RYR3: variants seen among roughly 807,000 people sequenced by gnomAD.
The protein encoded by RYR3 is ryanodine receptor 3, also known as brain ryanodine receptor-calcium release channel.
RYR3 carries 207 observed loss-of-function variants against 584.3 expected under a neutral mutation model. The observed-to-expected ratio is 0.35, with a 90% CI of 0.32 to 0.40. The LOEUF (loss-of-function observed/expected upper bound fraction) is 0.40. Among genes scored for constraint, RYR3 ranks in the 10% least tolerant of loss-of-function variants. The pLI is 1.00. For missense variants in RYR3, 5,616 were observed against 6,089.2 expected (o/e 0.92, Z 2.59); for synonymous variants, 2,416 against 2,248.5 (o/e 1.07, Z -2.11).
At chr15:33,787,546 A>G (rs920685222) in intron 66 of RYR3, among the ~76,000 whole-genome samples, 1 of 151,314 alleles carries the variant, frequency 6.6e-6, no homozygotes, top group Admixed American at 6.6e-5. Flanking sequence ...ACAAACAAAC[A>G]AAAACAATGG....
At chr15:33,337,760 G>C (rs1438721616) in intron 1 of RYR3, among the ~76,000 whole-genome samples, 1 of 152,046 alleles carries the variant, frequency 6.6e-6, no homozygotes, top group Non-Finnish European at 1.5e-5. Flanking sequence ...ATTCCTCCCA[G>C]TGGAGCCTCT....
chr15:33,662,812 G>A lies in RYR3; in HGVS notation c.5282G>A (p.Gly1761Glu), dbSNP rs772454526. The A allele has an allele frequency of 6.2e-7, 1 of 1,613,926 alleles. No homozygotes were observed. Among genetic ancestry groups the A allele is most frequent in the Admixed American group, 1.7e-5 (1 of 60,018 alleles). The change falls in exon 35 of 104, where the codon GGG (glycine) becomes GAG (glutamate). Residue 1761 changes from glycine (G) to glutamate (E), a missense_variant. Gly to Glu is a moderately conservative substitution (Grantham distance 98). Coordinates refer to ENST00000634891, the MANE Select transcript of RYR3 (RefSeq NM_001036.6). Reference sequence around the variant, plus strand: ...TCTGTGTTTGGGGAGCATAGTGCGGGGACAGAGGAGGGAGCAGAAAAGGAG... The same window carrying A: ...TCTGTGTTTGGGGAGCATAGTGCGGAGACAGAGGAGGGAGCAGAAAAGGAG... ...DPSVFGEHSA[G>E]TEEGAEKEEV...
chr15:33,765,489 C>T (rs1204193243), intron 60 of RYR3, among the ~76,000 whole-genome samples: 4 of 151,634 alleles, frequency 2.6e-5, no homozygotes, highest in African/African-American at 9.7e-5. Context: ...AAAAGTTAGC[C>T]GGGCATGGTA....
intron 72 of RYR3, among the ~76,000 whole-genome samples, chr15:33,812,159 A>T (rs1450401112): frequency 6.6e-6 from 1 of 152,162 alleles, no homozygotes; most frequent in Non-Finnish European, 1.5e-5. Flanking sequence ...AACCAGTAAA[A>T]CCCACAAATA....
chr15:33,609,679 A>C (rs1370173332), intron 18 of RYR3, among the ~76,000 whole-genome samples: 1 of 152,202 alleles, frequency 6.6e-6, no homozygotes, highest in African/African-American at 2.4e-5. Context: ...AACTACAGTG[A>C]TATTTTCCAG....
intron 91 of RYR3, among the ~76,000 whole-genome samples, chr15:33,842,836 G>A (rs1418022105): frequency 6.6e-6 from 1 of 152,178 alleles, no homozygotes; most frequent in Admixed American, 6.5e-5. Context: ...GAGTGATCAC[G>A]AAAATGCAGT....
chr15:33,336,433 A>G (rs1390164817), intron 1 of RYR3, among the ~76,000 whole-genome samples: 5 of 21,264 alleles, frequency 2.4e-4, no homozygotes, highest in African/African-American at 1.1e-3. Context: ...AAAGAAAGAA[A>G]GAAAGAAAGA....
At chr15:33,423,452 C>T (rs898071062) in intron 1 of RYR3, among the ~76,000 whole-genome samples, 1 of 152,080 alleles carries the variant, frequency 6.6e-6, no homozygotes, top group African/African-American at 2.4e-5. Flanking sequence ...GTGAATTGGC[C>T]TGTAAGCATC....
In RYR3 at chr15:33,715,665, G is replaced by C. The variant is rs367754395; in HGVS notation, c.6620-7050G>C. Among the ~76,000 whole-genome samples, 18 of 152,278 alleles carry C rather than the reference G, an allele frequency of 1.2e-4. No individual in the cohort carries two copies. The South Asian group carries it at 1.9e-3, about 16-fold the overall frequency. On this transcript the variant is annotated intron_variant, in intron 43 of 103. Coordinates refer to ENST00000634891, the MANE Select transcript of RYR3 (RefSeq NM_001036.6). ...TGAAGACTGGGAAGTTCAAGAACAA[G>C]GCACCAGTAAGATTGATGTCTGGGA...
chr15:33,479,673 C>A (rs1430624576), intron 2 of RYR3, among the ~76,000 whole-genome samples: 1 of 152,032 alleles, frequency 6.6e-6, no homozygotes, highest in Admixed American at 6.6e-5. Context: ...CATTCCAAAC[C>A]TGAATCACTG....
At chr15:33,315,638 A>G (rs1334135411) in intron 1 of RYR3, among the ~76,000 whole-genome samples, 1 of 152,142 alleles carries the variant, frequency 6.6e-6, no homozygotes, top group African/African-American at 2.4e-5. Flanking sequence ...CTGATTAAAG[A>G]CCCATATCAG....
intron 2 of RYR3, among the ~76,000 whole-genome samples, chr15:33,501,272 A>T (rs1158459716): frequency 6.6e-6 from 1 of 152,114 alleles, no homozygotes; most frequent in Non-Finnish European, 1.5e-5. Context: ...CTCCTTCAAA[A>T]TGGCTGATGG....
chr15:33,484,654 G>C (rs1272803241), intron 2 of RYR3, among the ~76,000 whole-genome samples: 1 of 152,132 alleles, frequency 6.6e-6, no homozygotes, highest in Admixed American at 6.5e-5. Flanking sequence ...AGTGGCAAAG[G>C]GATCAAGGTA....
At chr15:33,464,555 TATAG>T (rs1273314869) in intron 1 of RYR3, among the ~76,000 whole-genome samples, 5 of 147,048 alleles carry the variant, frequency 3.4e-5, no homozygotes, top group African/African-American at 1.2e-4. Flanking sequence ...TATATACAAA[TATAG>T]ATAATATGTA....
chr15:33,364,690 C>T (rs1975238473), intron 1 of RYR3, among the ~76,000 whole-genome samples: 1 of 152,170 alleles, frequency 6.6e-6, no homozygotes, highest in South Asian at 2.1e-4. Flanking sequence ...GAATTGTGTC[C>T]AACAAGGAAG....
chr15:33,436,692 G>A (rs1415402722), intron 1 of RYR3, among the ~76,000 whole-genome samples: 1 of 151,740 alleles, frequency 6.6e-6, no homozygotes, highest in Non-Finnish European at 1.5e-5. Context: ...TTTTAGTAGA[G>A]ACGAGGTTTC....
chr15:33,548,869 G>A (rs1254332867), intron 9 of RYR3, among the ~76,000 whole-genome samples: 1 of 152,116 alleles, frequency 6.6e-6, no homozygotes, highest in Non-Finnish European at 1.5e-5. Flanking sequence ...GAATGAGAGA[G>A]GAGGGTTAAG....
At chr15:33,769,720 G>A (rs12050837) in intron 62 of RYR3, among the ~76,000 whole-genome samples, 57,715 of 152,126 alleles carry the variant, frequency 0.38, 12,881 homozygotes, top group East Asian at 0.78. Flanking sequence ...TTGGGAGGCC[G>A]AGGCAGGCAG....
intron 48 of RYR3, among the ~76,000 whole-genome samples, chr15:33,734,950 C>G (rs1001141389): frequency 1.3e-5 from 2 of 151,974 alleles, no homozygotes; most frequent in Non-Finnish European, 2.9e-5. Flanking sequence ...CTTGATCTCT[C>G]GAAGTGCTGA....
Sources: gnomAD v4.1 joint callset for allele counts (sites outside exome capture counted in the v4.1 genomes callset) on GRCh38, gnomAD v4.1.1 for gene constraint, MANE v1.5 for transcripts, NCBI Gene and HGNC (gene_info 2026-07-23, HGNC 2026-07-21) for gene names.